The following MIA2 variants were observed in gnomAD, a reference collection of about 807,000 sequenced individuals.
The protein encoded by MIA2 is MIA SH3 domain ER export factor 2, also known as melanoma inhibitory activity protein 2.
A neutral mutation model predicts 167.8 loss-of-function variants in MIA2; 127 were observed. The observed-to-expected ratio is 0.76, with a 90% CI of 0.66 to 0.88. The LOEUF is 0.88. Ranked by LOEUF, MIA2 falls within the 40% of genes least tolerant of loss-of-function variation. The pLI is 0.00. For missense variants in MIA2, 1,690 were observed against 1,624.7 expected, an observed-to-expected ratio of 1.04 and a Z score of -0.69; for synonymous variants, 552 against 541.9, an observed-to-expected ratio of 1.02 and a Z score of -0.26.
intron 18 of MIA2, among the ~76,000 whole-genome samples, chr14:39,313,105 T>G (rs111575378): frequency 2.8e-3 from 426 of 152,252 alleles, no homozygotes; most frequent in Non-Finnish European, 4.8e-3. Flanking sequence ...TAGAAAACTC[T>G]TGAAACTATT....
rs182958723 is a variant in MIA2, at chr14:39,359,322, A to C, written c.2248+10345A>C. ...CAGACTGCTGTGCTAGCAATGAGTG[A>C]GGCTCCGTGGGCGTAGGACCCTTTG... On this transcript the variant is annotated intron_variant, in intron 23 of 23. Transcript: ENST00000341502. Among the ~76,000 whole-genome samples, 681 of 152,298 alleles carry C rather than the reference A, an allele frequency of 4.5e-3. 6 individuals are homozygous for C. Among genetic ancestry groups the C allele is most frequent in the African/African-American group, 0.015 (640 of 41,568 alleles).
At chr14:39,342,821 C>T (rs4902528) in intron 25 of MIA2, among the ~76,000 whole-genome samples, 82,923 of 151,954 alleles carry the variant, frequency 0.55, 24,439 homozygotes, top group South Asian at 0.66. Flanking sequence ...ATGAGTTTAG[C>T]GTGTGTAAAC....
At chr14:39,371,226 T>C (rs1396998492) in intron 23 of MIA2, among the ~76,000 whole-genome samples, 2 of 152,226 alleles carry the variant, frequency 1.3e-5, no homozygotes, top group African/African-American at 4.8e-5. Flanking sequence ...ATATTAAATA[T>C]CTTTATTTAT....
chr14:39,372,416 T>A (rs185352397), intron 23 of MIA2, among the ~76,000 whole-genome samples: 1 of 152,282 alleles, frequency 6.6e-6, no homozygotes, highest in East Asian at 1.9e-4. Flanking sequence ...GAGCATAAGG[T>A]GAGTCAACAG....
At chr14:39,337,468 C>T (rs1295783859) in intron 25 of MIA2, among the ~76,000 whole-genome samples, 1 of 152,192 alleles carries the variant, frequency 6.6e-6, no homozygotes, top group African/African-American at 2.4e-5. Flanking sequence ...AGTTACCCAA[C>T]AGCAGCAGAA....
chr14:39,330,959 G>A (rs906911582), intron 25 of MIA2, among the ~76,000 whole-genome samples: 1 of 152,160 alleles, frequency 6.6e-6, no homozygotes, highest in Non-Finnish European at 1.5e-5. Context: ...GGAGAGTTCT[G>A]TAGTTGTCTG....
chr14:39,318,028 G>A lies in MIA2; in HGVS notation c.3284+17G>A, dbSNP rs749714703. 5.9e-6 allele frequency: 9 copies of A among 1,529,534 alleles called. No individual in the cohort carries two copies. The highest frequency in any genetic ancestry group is 8.0e-6 in the Non-Finnish European group (9 of 1,130,448). 94.7% of individuals were successfully genotyped at this position (1,529,534 alleles called of 1,614,324 possible). On this transcript the variant is annotated intron_variant, in intron 22 of 28. Coordinates refer to ENST00000640607, the MANE Select transcript of MIA2 (RefSeq NM_001329214.4). ...CAGACAAAAGTAAGTATCTTAGTGG[G>A]AACATTTAAAATTAGTTATTCTGTT...
At chr14:39,243,783 T>C (rs4902456) in intron 3 of MIA2, among the ~76,000 whole-genome samples, 9,748 of 152,264 alleles carry the variant, frequency 0.064, 439 homozygotes, top group South Asian at 0.18. Context: ...GGAGAATTGC[T>C]TGAACCCGGG....
intron 24 of MIA2, among the ~76,000 whole-genome samples, chr14:39,325,213 G>A (rs1566929199): frequency 6.6e-6 from 1 of 151,722 alleles, no homozygotes; most frequent in Non-Finnish European, 1.5e-5. Context: ...AACAGAGTGA[G>A]TGAGACCTTG....
chr14:39,314,682 A>T, intron 19 of MIA2, 57 bp from the exon 20 acceptor site: 1 of 1,152,796 alleles, frequency 8.7e-7, no homozygotes, highest in Non-Finnish European at 1.2e-6. Flanking sequence ...AGTAGAGAGT[A>T]TGTTCTGTCA....
At chr14:39,265,314 T>G in intron 6 of MIA2, 1 of 1,102,376 alleles carries the variant, frequency 9.1e-7, no homozygotes, top group Non-Finnish European at 1.4e-6. Flanking sequence ...TATTAGAATC[T>G]GAAATCTTTC....
chr14:39,292,154 T>C (rs2060821880), intron 10 of MIA2, among the ~76,000 whole-genome samples: 1 of 152,250 alleles, frequency 6.6e-6, no homozygotes, highest in Admixed American at 6.5e-5. Flanking sequence ...TTTTATTTGC[T>C]AACCCTCTGT....
intron 23 of MIA2, among the ~76,000 whole-genome samples, chr14:39,378,364 G>A (rs946494938): frequency 6.6e-6 from 1 of 152,176 alleles, no homozygotes; most frequent in Non-Finnish European, 1.5e-5. Flanking sequence ...CAAACCTCAT[G>A]AATACATCAG....
chr14:39,366,497 C>T (rs2074825599), intron 23 of MIA2, among the ~76,000 whole-genome samples: 1 of 152,154 alleles, frequency 6.6e-6, no homozygotes, highest in South Asian at 2.1e-4. Flanking sequence ...TTCCCAGGCC[C>T]TCAGGGCACG....
rs141029927 is a variant in MIA2 at position 39,259,907 on chromosome 14, G to A, written c.1887+6736G>A. Among the ~76,000 whole-genome samples, 32 of 152,104 alleles carry A rather than the reference G, an allele frequency of 2.1e-4. 1 individual carries two copies. In the East Asian group the frequency reaches 5.8e-3, roughly 28 times the overall value. Reference sequence around the variant, plus strand: ...CGGTGTGTGATGTTCCCCACTCTGTGTCCAAGCGTTCTCATTGTTCAATTC... The same window carrying A: ...CGGTGTGTGATGTTCCCCACTCTGTATCCAAGCGTTCTCATTGTTCAATTC... On this transcript the variant is annotated intron_variant, in intron 6 of 28. Transcript: ENST00000640607.
intron 6 of MIA2, among the ~76,000 whole-genome samples, chr14:39,256,378 A>G (rs2054817185): frequency 6.6e-6 from 1 of 152,122 alleles, no homozygotes; most frequent in Non-Finnish European, 1.5e-5. Flanking sequence ...ATTTAGGTGA[A>G]AGGTTTCCTT....
chr14:39,261,134 T>C (rs1306175780), intron 6 of MIA2, among the ~76,000 whole-genome samples: 1 of 151,974 alleles, frequency 6.6e-6, no homozygotes, highest in Non-Finnish European at 1.5e-5. Flanking sequence ...TGCTTTTCCC[T>C]CCCCCTCCCC....
At chr14:39,302,624 T>C (rs1229229828) in intron 15 of MIA2, among the ~76,000 whole-genome samples, 4 of 152,212 alleles carry the variant, frequency 2.6e-5, no homozygotes, top group African/African-American at 9.6e-5. Context: ...TATAAATACT[T>C]CAGGATACTT....
intron 23 of MIA2, among the ~76,000 whole-genome samples, chr14:39,365,212 T>C (rs2074793024): frequency 1.3e-5 from 2 of 152,104 alleles, no homozygotes; most frequent in African/African-American, 4.8e-5. Context: ...ATTACAGGCA[T>C]GCGCCACCAA....
Sources: gnomAD v4.1 joint callset for allele counts (sites outside exome capture counted in the v4.1 genomes callset) on GRCh38, gnomAD v4.1.1 for gene constraint, MANE v1.5 for transcripts, NCBI Gene and HGNC (gene_info 2026-07-23, HGNC 2026-07-21) for gene names.